MARK3: variants seen among roughly 807,000 people sequenced by gnomAD.
The protein encoded by MARK3 is MAP/microtubule affinity-regulating kinase 3.
A neutral mutation model predicts 90.1 loss-of-function variants in MARK3; 46 were observed. That is an observed-to-expected ratio of 0.51 (90% CI 0.40 to 0.65). The LOEUF (loss-of-function observed/expected upper bound fraction) is 0.65, where lower values mean the gene tolerates loss of function less well. Ranked by LOEUF, MARK3 falls within the 30% of genes least tolerant of loss-of-function variation. MARK3 has a pLI of 0.00. For synonymous variants in MARK3, 321 were observed against 332.6 expected, an observed-to-expected ratio of 0.97 and a Z score of 0.38; for missense variants, 818 against 947.2, an observed-to-expected ratio of 0.86 and a Z score of 1.79.
chr14:103,472,209 C>A (rs1039853340), intron 12 of MARK3, among the ~76,000 whole-genome samples: 1,800 of 96,010 alleles, frequency 0.019, no homozygotes, highest in African/African-American at 0.041. Flanking sequence ...GACTCCGTCT[C>A]AAAAAAAAAA....
intron 13 of MARK3, among the ~76,000 whole-genome samples, chr14:103,479,769 T>G (rs187710176): frequency 3.3e-5 from 5 of 151,404 alleles, no homozygotes; most frequent in African/African-American, 4.8e-5. Flanking sequence ...GCCTCCTGAG[T>G]AGCTGGGATT....
At chr14:103,457,992 C>G (rs900493175) in intron 6 of MARK3, among the ~76,000 whole-genome samples, 1 of 152,204 alleles carries the variant, frequency 6.6e-6, no homozygotes, top group Non-Finnish European at 1.5e-5. Context: ...CTGCCATAGA[C>G]TCAGAGTCCC....
At chr14:103,451,522 AT>A (rs1340099220) in intron 4 of MARK3, among the ~76,000 whole-genome samples, 4 of 152,180 alleles carry the variant, frequency 2.6e-5, no homozygotes, top group African/African-American at 9.7e-5. Flanking sequence ...AAGCAGCTAG[AT>A]TTGCATTTGT....
intron 3 of MARK3, among the ~76,000 whole-genome samples, chr14:103,429,873 G>C (rs1346906870): frequency 6.6e-6 from 1 of 152,124 alleles, no homozygotes; most frequent in Non-Finnish European, 1.5e-5. Flanking sequence ...TGTGTACCTG[G>C]ATATAATTGT....
chr14:103,424,495 C>T (rs1006884413), intron 2 of MARK3, among the ~76,000 whole-genome samples: 8 of 150,606 alleles, frequency 5.3e-5, no homozygotes, highest in Non-Finnish European at 1.2e-4. Context: ...CACTGCACTC[C>T]ACCCTGGACA....
chr14:103,492,581 A>G (rs1301346651), intron 15 of MARK3, among the ~76,000 whole-genome samples: 3 of 152,168 alleles, frequency 2.0e-5, no homozygotes, highest in Admixed American at 6.5e-5. Context: ...AGTTTTGGAG[A>G]TAAAATCTCT....
intron 1 of MARK3, among the ~76,000 whole-genome samples, chr14:103,392,677 GT>G (rs1164309798): frequency 6.6e-6 from 1 of 152,012 alleles, no homozygotes; most frequent in Non-Finnish European, 1.5e-5. Context: ...AAAAAAAACT[GT>G]TTATTAAAAA....
chr14:103,484,927 A>G (rs1323429775), intron 14 of MARK3, among the ~76,000 whole-genome samples: 1 of 150,682 alleles, frequency 6.6e-6, no homozygotes, highest in Non-Finnish European at 1.5e-5. Flanking sequence ...CTCAAAAACA[A>G]AAAAAAAGGG....
chr14:103,423,977 G>A (rs918309797), intron 2 of MARK3, among the ~76,000 whole-genome samples: 3 of 152,046 alleles, frequency 2.0e-5, no homozygotes, highest in Non-Finnish European at 4.4e-5. Flanking sequence ...AGGCCGAGGC[G>A]GGTGGATCAC....
chr14:103,437,818 C>A (rs2092752761), intron 3 of MARK3, among the ~76,000 whole-genome samples: 1 of 152,132 alleles, frequency 6.6e-6, no homozygotes, highest in Admixed American at 6.5e-5. Context: ...TCCATGCACT[C>A]TGTATGTCAA....
chr14:103,491,191 T>G, intron 14 of MARK3: 1 of 1,059,130 alleles, frequency 9.4e-7, no homozygotes, highest in Non-Finnish European at 1.2e-6. Context: ...AGTCTGAGAT[T>G]TTGTTACAGT....
intron 2 of MARK3, among the ~76,000 whole-genome samples, chr14:103,427,198 A>G (rs1242416309): frequency 1.3e-5 from 2 of 149,958 alleles, no homozygotes; most frequent in Non-Finnish European, 3.0e-5. Context: ...AAACAAGTTT[A>G]TAAAAGAAGT....
intron 14 of MARK3, among the ~76,000 whole-genome samples, chr14:103,487,829 A>ACGAGGT (rs1028979132): frequency 6.6e-6 from 1 of 152,142 alleles, no homozygotes; most frequent in African/African-American, 2.4e-5. Flanking sequence ...CGGGTGGATC[A>ACGAGGT]CGAGGTCAGG....
At position 103,479,628 on chromosome 14, in the gene MARK3, C is replaced by CTTTTTTTTTTTTTTTTTTTTTTTTTT. The variant is rs34768749; in HGVS notation, c.1483-738_1483-737insTTTTTTTTTTTTTTTTTTTTTTTTTT. ...ATGTGTTTCTTGGCCATACGTATAG[C>CTTTTTTTTTTTTTTTTTTTTTTTTTT]TTTTTTTTTTTTTTTTTTTTTGAGA... On this transcript the variant is annotated intron_variant, in intron 13 of 17. Transcript: ENST00000429436. 1.2e-4 allele frequency among the ~76,000 whole-genome samples: 9 copies of CTTTTTTTTTTTTTTTTTTTTTTTTTT among 78,238 alleles called. 4 individuals are homozygous for CTTTTTTTTTTTTTTTTTTTTTTTTTT. Among genetic ancestry groups the CTTTTTTTTTTTTTTTTTTTTTTTTTT allele is most frequent in the Admixed American group, 3.8e-4 (2 of 5,270 alleles). The allele number at this position is 78,238 out of a possible 152,430, so 51.3% of individuals were successfully genotyped here. A position where few individuals can be genotyped will look rare whatever the true frequency, so the allele number is the denominator to read the frequency against.
chr14:103,410,512 A>G (rs1041495122), intron 2 of MARK3, among the ~76,000 whole-genome samples: 1 of 152,132 alleles, frequency 6.6e-6, no homozygotes, highest in Admixed American at 6.6e-5. Flanking sequence ...ATCTTTTTAT[A>G]TATTTTTGTC....
At chr14:103,457,248 TA>T in intron 6 of MARK3, 36 bp downstream of exon 6, 1 of 1,442,152 alleles carries the variant, frequency 6.9e-7, no homozygotes, top group Non-Finnish European at 9.7e-7. Flanking sequence ...GTCAATTTGA[TA>T]ATTTATCTCA....
chr14:103,494,672 T>TATCGCCCAGGCTGGAGTGC (rs1464007828), intron 15 of MARK3, among the ~76,000 whole-genome samples: 1 of 152,076 alleles, frequency 6.6e-6, no homozygotes, highest in Non-Finnish European at 1.5e-5. Flanking sequence ...AGTCTCACTT[T>TATCGCCCAGGCTGGAGTGC]ATCGCCCAGG....
At chr14:103,489,418 C>T (rs1198844914) in intron 14 of MARK3, 1 of 152,260 alleles carries the variant, frequency 6.6e-6, no homozygotes, top group Non-Finnish European at 1.5e-5. Context: ...TTACCAAAGA[C>T]TTGGTGTTCT....
chr14:103,457,167 A>G lies in MARK3; in HGVS notation c.438A>G (p.Ala146=). ...SGGEVFDYLV[A]HGRMKEKEAR... ...GTGAAGTATTTGACTATTTGGTTGCACATGGCAGGATGAAGGAAAAAGAAG... is the reference window on the plus strand; with the variant it reads ...GTGAAGTATTTGACTATTTGGTTGCGCATGGCAGGATGAAGGAAAAAGAAG... Residue 146 remains alanine (A), a synonymous_variant, in exon 6 of 18, where the codon GCA becomes GCG. Transcript: ENST00000429436. 6.2e-7 allele frequency: 1 copy of G among 1,610,770 alleles called. No individual in the cohort carries two copies. Among genetic ancestry groups the G allele is most frequent in the Non-Finnish European group, 8.5e-7 (1 of 1,177,246 alleles).
Sources: gnomAD v4.1 joint callset for allele counts (sites outside exome capture counted in the v4.1 genomes callset) on GRCh38, gnomAD v4.1.1 for gene constraint, MANE v1.5 for transcripts, NCBI Gene and HGNC (gene_info 2026-07-23, HGNC 2026-07-21) for gene names.